Variants in H2BC18 observed in about 807,000 individuals in gnomAD.
H2BC18 encodes histone H2B type 2-F.
Under a neutral mutation model 6.3 loss-of-function variants are expected in H2BC18, and 8 were observed. The observed-to-expected ratio is 1.28, with a 90% confidence interval of 0.75 to 2.31. The LOEUF (loss-of-function observed/expected upper bound fraction) is 2.31, where lower values mean the gene tolerates loss of function less well. Ranked by LOEUF, H2BC18 falls within the 30% of genes most tolerant of loss-of-function variation. The pLI is 0.00. For missense variants in H2BC18, 106 were observed against 174.5 expected (o/e 0.61, Z 2.21); for synonymous variants, 104 against 78.1 (o/e 1.33, Z -1.75).
rs782767162 is a variant in H2BC18, at chr1:149,793,252, G to T, written c.378-9992C>A. 2.6e-5 allele frequency: 33 copies of T among 1,251,194 alleles called. No homozygotes were observed. The South Asian group carries it at 3.6e-4, about 14-fold the overall frequency. The allele number at this position is 1,251,194 out of a possible 1,614,324, so 77.5% of individuals were successfully genotyped here. A position where few individuals can be genotyped will look rare whatever the true frequency, so the allele number is the denominator to read the frequency against. ...GAGCAGCCGGAGGCGGCGGCGGCAG[G>T]GAGGGAGCGGGTGGGGAGTGGGAGA... On this transcript the variant is annotated intron_variant, in intron 1 of 1. Coordinates refer to the H2BC18 transcript ENST00000545683.
chr1:149,808,783 A>G (rs1288885982), downstream of H2BC18, among the ~76,000 whole-genome samples: 2 of 152,164 alleles, frequency 1.3e-5, no homozygotes, highest in African/African-American at 4.8e-5. Flanking sequence ...AAATGTAGAA[A>G]AGAAAAAAAT....
intron 1 of H2BC18, among the ~76,000 whole-genome samples, chr1:149,797,122 A>G (rs587739599): frequency 6.6e-6 from 1 of 152,340 alleles, no homozygotes; most frequent in South Asian, 2.1e-4. Context: ...CATCTTGGCT[A>G]GGCTGGTCTC....
At chr1:149,808,497 C>T (rs1553754106), downstream of H2BC18, among the ~76,000 whole-genome samples, 1 of 152,106 alleles carries the variant, frequency 6.6e-6, no homozygotes, top group African/African-American at 2.4e-5. Flanking sequence ...GATTCATTTA[C>T]ATCTTTGTAT....
At position 149,790,124 on chromosome 1, in the gene H2BC18, G is replaced by C. The variant is rs782028457; in HGVS notation, c.378-6864C>G. 179 of 1,613,920 alleles carry C rather than the reference G, an allele frequency of 1.1e-4. 2 individuals are homozygous for C. The East Asian group carries it at 3.9e-3, about 36-fold the overall frequency. The stretch of plus-strand genomic sequence containing the variant: ...TCCTGGAGGGGAATCTGGTCACCCT[G>C]AGCTGTGAAACAAAGTTGCTCTTGC... On this transcript the variant is annotated intron_variant, in intron 1 of 1. Transcript: ENST00000545683.
chr1:149,790,301 C>T, intron 1 of H2BC18: 1 of 1,587,718 alleles, frequency 6.3e-7, no homozygotes, highest in Non-Finnish European at 8.6e-7. Context: ...ATGGAAATGT[C>T]CTTAAGCGCA....
chr1:149,795,316 A>T (rs1481181125), intron 1 of H2BC18, among the ~76,000 whole-genome samples: 1 of 146,656 alleles, frequency 6.8e-6, no homozygotes, highest in Admixed American at 6.8e-5. Flanking sequence ...TACCAGTCTC[A>T]CAGCTGAGGC....
intron 1 of H2BC18, among the ~76,000 whole-genome samples, chr1:149,806,040 C>T (rs2664716): frequency 3.3e-5 from 5 of 152,282 alleles, no homozygotes; most frequent in East Asian, 3.9e-4. Context: ...AGGGCAAGGG[C>T]AACACATACA....
intron 1 of H2BC18, chr1:149,788,519 C>T (rs1553751158): frequency 6.2e-7 from 1 of 1,613,718 alleles, no homozygotes; most frequent in African/African-American, 1.3e-5. Context: ...TCTAACCTCA[C>T]CATTCTGAAA....
At chr1:149,798,448 TAAGA>T (rs2091824040) in intron 1 of H2BC18, among the ~76,000 whole-genome samples, 1 of 152,146 alleles carries the variant, frequency 6.6e-6, no homozygotes, top group African/African-American at 2.4e-5. Flanking sequence ...TGTCAATTCC[TAAGA>T]AAGGTATATT....
At chr1:149,787,370 G>A (rs2091580535) in intron 1 of H2BC18, 1 of 152,216 alleles carries the variant, frequency 6.6e-6, no homozygotes, top group South Asian at 2.1e-4. Flanking sequence ...AAGAAAAGTA[G>A]TTGAAGCATT....
chr1:149,806,328 C>A (rs587676594), intron 1 of H2BC18, among the ~76,000 whole-genome samples: 54 of 152,296 alleles, frequency 3.5e-4, no homozygotes, highest in Admixed American at 1.3e-3. Context: ...CGCACTGGCT[C>A]ACACCTATAA....
At chr1:149,806,009 C>T (rs1305886338) in intron 1 of H2BC18, among the ~76,000 whole-genome samples, 2 of 152,122 alleles carry the variant, frequency 1.3e-5, no homozygotes, top group Non-Finnish European at 2.9e-5. Context: ...CATCTGCACC[C>T]CAGCCAGTGG....
chr1:149,784,711 T>C (rs1286837568), intron 1 of H2BC18, among the ~76,000 whole-genome samples: 2 of 148,756 alleles, frequency 1.3e-5, no homozygotes, highest in Non-Finnish European at 3.0e-5. Context: ...TATATATATA[T>C]ATATATATAC....
intron 1 of H2BC18, among the ~76,000 whole-genome samples, chr1:149,805,797 T>G (rs587669944): frequency 1.6e-4 from 25 of 151,804 alleles, no homozygotes; most frequent in Non-Finnish European, 3.5e-4. Context: ...TCTGAGGAGG[T>G]AGGAGGGGAG....
At chr1:149,802,431 T>G (rs587605940) in intron 1 of H2BC18, among the ~76,000 whole-genome samples, 48 of 152,242 alleles carry the variant, frequency 3.2e-4, no homozygotes, top group Non-Finnish European at 5.6e-4. Flanking sequence ...CCAAACTAGA[T>G]GAAATACAGT....
intron 1 of H2BC18, chr1:149,803,520 A>G (rs1441349065): frequency 6.6e-6 from 1 of 151,922 alleles, no homozygotes; most frequent in South Asian, 2.1e-4. Context: ...GTACCTAGAT[A>G]TCTCTCTCTC....
chr1:149,802,256 C>T (rs1377222580), intron 1 of H2BC18, among the ~76,000 whole-genome samples: 6 of 152,042 alleles, frequency 3.9e-5, no homozygotes, highest in Non-Finnish European at 8.8e-5. Context: ...GTAAAATCAT[C>T]AAATTTTCAT....
intron 1 of H2BC18, chr1:149,791,576 A>G: frequency 6.2e-7 from 1 of 1,602,296 alleles, no homozygotes; most frequent in Non-Finnish European, 8.5e-7. Flanking sequence ...GCTCCCCGTG[A>G]GCACTGCGTA....
At chr1:149,795,932 G>A (rs1353118655) in intron 1 of H2BC18, among the ~76,000 whole-genome samples, 6 of 150,790 alleles carry the variant, frequency 4.0e-5, no homozygotes, top group Non-Finnish European at 8.8e-5. Flanking sequence ...AAGACCCTAA[G>A]ACACATATAC....
Sources: gnomAD v4.1 joint callset for allele counts (sites outside exome capture counted in the v4.1 genomes callset) on GRCh38, gnomAD v4.1.1 for gene constraint, MANE v1.5 for transcripts, NCBI Gene and HGNC (gene_info 2026-07-23, HGNC 2026-07-21) for gene names.